CCNF: variants seen among roughly 807,000 people sequenced by gnomAD.
CCNF encodes the protein cyclin F.
CCNF carries 30 observed loss-of-function variants against 85.4 expected under a neutral mutation model. The ratio of observed to expected loss-of-function variants is 0.35; its 90% CI spans 0.26 to 0.48. The LOEUF (loss-of-function observed/expected upper bound fraction) is 0.48, where lower values mean the gene tolerates loss of function less well. CCNF is among the 20% of genes least tolerant of loss of function. The pLI, the probability that CCNF is intolerant of heterozygous loss-of-function variation, is 0.99. For missense variants in CCNF, 919 were observed against 1,010.4 expected, an observed-to-expected ratio of 0.91 and a Z score of 1.23; for synonymous variants, 439 against 425.1, an observed-to-expected ratio of 1.03 and a Z score of -0.40.
At chr16:2,439,325 C>A in intron 6 of CCNF, 28 bp from the exon 7 acceptor site, 1 of 1,517,844 alleles carries the variant, frequency 6.6e-7, no homozygotes, top group Non-Finnish European at 9.0e-7. Flanking sequence ...AATAAGGGAA[C>A]AATGAACTCT....
At chr16:2,434,044 A>G (rs1358565649) in intron 3 of CCNF, among the ~76,000 whole-genome samples, 3 of 152,162 alleles carry the variant, frequency 2.0e-5, no homozygotes, top group African/African-American at 7.2e-5. Context: ...GTGGCGTCAC[A>G]CCTGTATTCC....
chr16:2,438,858 C>T (rs963328604), intron 6 of CCNF, among the ~76,000 whole-genome samples: 3 of 151,352 alleles, frequency 2.0e-5, no homozygotes, highest in Non-Finnish European at 4.4e-5. Context: ...ATTAGCCGGG[C>T]ATGGTGGTGG....
intron 2 of CCNF, 108 bp from the exon 3 acceptor site, chr16:2,432,853 G>A (rs1055840366): frequency 1.0e-5 from 6 of 601,572 alleles, no homozygotes; most frequent in African/African-American, 7.4e-5. Flanking sequence ...TTGGGATGGC[G>A]AGGGAGACAG....
At chr16:2,431,375 C>T in intron 2 of CCNF, 91 bp downstream of exon 2, 1 of 1,439,374 alleles carries the variant, frequency 6.9e-7, no homozygotes, top group South Asian at 1.2e-5. Flanking sequence ...AAAACTTTGG[C>T]TAAAAAAGAG....
chr16:2,429,866 G>T (rs1054931158), intron 1 of CCNF, among the ~76,000 whole-genome samples: 1 of 152,094 alleles, frequency 6.6e-6, no homozygotes, highest in Admixed American at 6.5e-5. Context: ...GGAGCGCGTG[G>T]GGGCGAAGCG....
At chr16:2,440,107 T>C (rs1438785093) in intron 8 of CCNF, among the ~76,000 whole-genome samples, 4 of 152,240 alleles carry the variant, frequency 2.6e-5, no homozygotes, top group Non-Finnish European at 4.4e-5. Context: ...GAGCTATAGC[T>C]GCTGTCAAAA....
In CCNF at chr16:2,435,835, C is replaced by T. The variant is rs764061587; in HGVS notation, c.308C>T (p.Ala103Val). The change falls in exon 4 of 17, where the codon GCT (alanine) becomes GTT (valine). Residue 103 changes from alanine (A) to valine (V), a missense_variant. Ala to Val is a moderately conservative substitution (Grantham distance 64, BLOSUM62 0). Coordinates refer to ENST00000397066, the MANE Select transcript of CCNF (RefSeq NM_001761.3). ...GCTGAAAAGGGGAATTTCGAAGCTGCTGTGAAGCTGGGCATAGCCTACCTC... is the reference window on the plus strand; with the variant it reads ...GCTGAAAAGGGGAATTTCGAAGCTGTTGTGAAGCTGGGCATAGCCTACCTC... ...RAAEKGNFEA[A>V]VKLGIAYLYN... 1 of 1,613,780 alleles carries T rather than the reference C, an allele frequency of 6.2e-7. No individual in the cohort carries two copies. The highest frequency in any genetic ancestry group is 1.7e-5 in the Admixed American group (1 of 59,996).
Position 2,439,855 on chromosome 16 carries a change from G to A in CCNF, c.777+29G>A, listed in dbSNP as rs1414375924. On this transcript the variant is annotated intron_variant, in intron 8 of 16. Coordinates refer to ENST00000397066, the MANE Select transcript of CCNF (RefSeq NM_001761.3). ...AGGTGCGGGGCTGGGATGACGTGGG[G>A]AGCTGGCCTTTCTCCCTCCAGCCTT... The A allele has an allele frequency of 3.1e-6, 5 of 1,596,708 alleles. No individual in the cohort carries two copies. In the African/African-American group the frequency reaches 5.4e-5, roughly 17 times the overall value.
intron 6 of CCNF, 117 bp from the exon 7 acceptor site, chr16:2,439,236 T>G: frequency 1.3e-6 from 1 of 774,338 alleles, no homozygotes; most frequent in South Asian, 1.8e-5. Context: ...AGGCGGAGGT[T>G]GCAGTGAGCC....
At chr16:2,438,574 G>A (rs1038753795) in intron 6 of CCNF, among the ~76,000 whole-genome samples, 1 of 151,204 alleles carries the variant, frequency 6.6e-6, no homozygotes, top group African/African-American at 2.4e-5. Flanking sequence ...CCTGGGAAGC[G>A]GAGGTTGCAG....
intron 10 of CCNF, among the ~76,000 whole-genome samples, chr16:2,446,227 C>T (rs758615701): frequency 4.0e-5 from 6 of 148,776 alleles, no homozygotes; most frequent in Non-Finnish European, 5.9e-5. Context: ...CTGGCAGGCA[C>T]AGGCTGGACT....
chr16:2,445,790 C>T (rs1411349987), intron 10 of CCNF, among the ~76,000 whole-genome samples, 168 bp downstream of exon 10: 1 of 146,980 alleles, frequency 6.8e-6, no homozygotes, highest in Non-Finnish European at 1.5e-5. Context: ...TGCAGTGGTG[C>T]GATCTTGGCT....
chr16:2,448,918 G>A lies in CCNF; in HGVS notation c.1158G>A (p.Lys386=), dbSNP rs1182669949. 1 of 1,614,134 alleles carries A rather than the reference G, an allele frequency of 6.2e-7. No individual in the cohort carries two copies. Among genetic ancestry groups the A allele is most frequent in the Non-Finnish European group, 8.5e-7 (1 of 1,179,958 alleles). The change falls in exon 11 of 17, where the codon AAG becomes AAA. Residue 386 remains lysine (K), a synonymous_variant. Coordinates refer to ENST00000397066, the MANE Select transcript of CCNF (RefSeq NM_001761.3). ...TATGGCTCACGGACAACACTTACAA[G>A]TACGAGGACCTGGTGAGAATGATGG... ...EAVWLTDNTY[K]YEDLVRMMGE...
At chr16:2,449,787 C>CCCCTCCATT (rs747143311) in intron 12 of CCNF, 41 bp from the exon 13 acceptor site, 2 of 724,090 alleles carry the variant, frequency 2.8e-6, no homozygotes, top group African/African-American at 2.0e-5. Context: ...TCCCCTCCGT[C>CCCCTCCATT]CCCTCCATCC....
At chr16:2,447,386 C>A (rs904973314) in intron 10 of CCNF, among the ~76,000 whole-genome samples, 4 of 151,802 alleles carry the variant, frequency 2.6e-5, no homozygotes, top group Non-Finnish European at 5.9e-5. Context: ...AGTTCAAGAC[C>A]AGCCTGGCCA....
intron 5 of CCNF, chr16:2,437,686 C>T (rs186342694): frequency 1.6e-5 from 5 of 311,260 alleles, no homozygotes; most frequent in African/African-American, 4.3e-5. Flanking sequence ...GCCAGGTGTT[C>T]GAGACCAGTC....
At chr16:2,432,160 C>T (rs1288899989) in intron 2 of CCNF, among the ~76,000 whole-genome samples, 2 of 152,124 alleles carry the variant, frequency 1.3e-5, no homozygotes, top group Non-Finnish European at 2.9e-5. Context: ...GTGAAATTTG[C>T]ATCCCTTAAA....
intron 15 of CCNF, among the ~76,000 whole-genome samples, chr16:2,454,213 G>T (rs914350266): frequency 6.6e-6 from 1 of 152,202 alleles, no homozygotes; most frequent in African/African-American, 2.4e-5. Context: ...TGTGTCGGGA[G>T]TGGGCTCCTG....
intron 5 of CCNF, chr16:2,437,593 CAA>C (rs1275734966): frequency 9.6e-6 from 4 of 416,434 alleles, no homozygotes; most frequent in Non-Finnish European, 1.7e-5. Context: ...AGTGGGAGCT[CAA>C]GACACAAATC....
Sources: allele counts gnomAD v4.1 joint callset (sites outside exome capture counted in the v4.1 genomes callset), GRCh38; gene constraint gnomAD v4.1.1; transcripts MANE v1.5; gene names NCBI Gene and HGNC (gene_info 2026-07-23, HGNC 2026-07-21).